The following CDCP1 variants were observed in gnomAD, a reference collection of about 807,000 sequenced individuals.
CDCP1 encodes CUB domain containing protein 1, also known as CUB domain-containing protein 1.
CDCP1 carries 29 observed loss-of-function variants against 60.2 expected under a neutral mutation model. The ratio of observed to expected loss-of-function variants is 0.48; its 90% confidence interval spans 0.36 to 0.66. The LOEUF (loss-of-function observed/expected upper bound fraction) is 0.66, where lower values mean the gene tolerates loss of function less well. Ranked by LOEUF, CDCP1 falls within the 30% of genes least tolerant of loss-of-function variation. The pLI is 0.00. For synonymous variants in CDCP1, 387 were observed against 431.1 expected (o/e 0.90, Z 1.27); for missense variants, 876 against 1,074.3 (o/e 0.82, Z 2.58).
intron 1 of CDCP1, among the ~76,000 whole-genome samples, chr3:45,141,088 C>A (rs947523303): frequency 2.0e-5 from 3 of 152,138 alleles, no homozygotes; most frequent in African/African-American, 7.2e-5. Context: ...GTAATTCCAG[C>A]TACTTGGGAG....
Position 45,095,214 on chromosome 3 carries a change from G to A in CDCP1, c.1246+133C>T, listed in dbSNP as rs561334292. 6.6e-5 allele frequency: 51 copies of A among 770,138 alleles called. No individual in the cohort carries two copies. The Admixed American group carries it at 6.8e-4, about 10-fold the overall frequency. The allele number at this position is 770,138 out of a possible 1,614,324, so 47.7% of individuals were successfully genotyped here. On this transcript the variant is annotated intron_variant, in intron 5 of 8. Coordinates refer to ENST00000296129, the MANE Select transcript of CDCP1 (RefSeq NM_022842.5). ...CTCCCAAAGTGCTGGGATTACAGGC[G>A]TGAGCCATCGTGCCCGGCCAGATGG... is the stretch of plus-strand genomic sequence containing the variant.
intron 1 of CDCP1, among the ~76,000 whole-genome samples, chr3:45,126,403 G>C (rs1385502652): frequency 6.6e-6 from 1 of 152,018 alleles, no homozygotes; most frequent in African/African-American, 2.4e-5. Flanking sequence ...CTGTGGGAGG[G>C]GTGGGGGTGC....
At chr3:45,143,722 G>A (rs1699335019) in intron 1 of CDCP1, among the ~76,000 whole-genome samples, 1 of 112,622 alleles carries the variant, frequency 8.9e-6, no homozygotes, top group Non-Finnish European at 2.2e-5. Flanking sequence ...CCAGAAGAGT[G>A]TGTGTGTGCA....
chr3:45,129,096 T>C (rs150893662), intron 1 of CDCP1, among the ~76,000 whole-genome samples: 3 of 152,386 alleles, frequency 2.0e-5, no homozygotes, highest in African/African-American at 7.2e-5. Context: ...GCTTATGCTT[T>C]GAATCATTTT....
In CDCP1 at chr3:45,101,006, A is replaced by G. The variant is rs1270420087; in HGVS notation, c.1025-5438T>C. On this transcript the variant is annotated intron_variant, in intron 4 of 8. Coordinates refer to ENST00000296129, the MANE Select transcript of CDCP1 (RefSeq NM_022842.5). ...TATTTCTTGTTCACTTTACATATTC[A>G]TTGTGAGTTGGCTGCAGCTCTGGCT... Among the ~76,000 whole-genome samples the G allele has an allele frequency of 2.0e-5, 3 of 152,248 alleles. No homozygotes were observed. In the East Asian group the frequency reaches 5.8e-4, roughly 29 times the overall value.
At chr3:45,125,014 A>AG in intron 1 of CDCP1, among the ~76,000 whole-genome samples, 1 of 152,306 alleles carries the variant, frequency 6.6e-6, no homozygotes, top group Middle Eastern at 3.4e-3. Flanking sequence ...GAAGACATTG[A>AG]GGGTCTGCTA....
In CDCP1 at chr3:45,085,666, G is replaced by A. The variant is rs1021006576; in HGVS notation, c.2483C>T (p.Thr828Ile). The change falls in exon 9 of 9, where the codon ACT (threonine) becomes ATT (isoleucine). Residue 828 changes from threonine (T) to isoleucine (I), a missense_variant. Physicochemically the swap from Thr to Ile is moderately conservative, Grantham distance 89. Coordinates refer to ENST00000296129, the MANE Select transcript of CDCP1 (RefSeq NM_022842.5). The surrounding 1 kb of genome is among the most constrained non-coding windows in gnomAD (Gnocchi z 4.2). ...TTCTGCTGGCTCCATGGGCTCCTGA[G>A]TGTTCAGTAAGGGAATGTCTGTGTC... ...SKDTDIPLLN[T>I]QEPMEPAE The A allele has an allele frequency of 1.9e-6, 3 of 1,613,974 alleles. No individual in the cohort carries two copies. The highest frequency in any genetic ancestry group is 2.2e-5 in the South Asian group (2 of 91,070).
intron 2 of CDCP1, among the ~76,000 whole-genome samples, chr3:45,117,033 T>C (rs990615267): frequency 2.6e-5 from 4 of 152,240 alleles, no homozygotes; most frequent in Non-Finnish European, 5.9e-5. Context: ...ATTTAATTAG[T>C]CTGCAGAGAA....
intron 4 of CDCP1, among the ~76,000 whole-genome samples, chr3:45,099,527 A>G (rs1698455972): frequency 6.6e-6 from 1 of 151,960 alleles, no homozygotes; most frequent in Non-Finnish European, 1.5e-5. Flanking sequence ...CCAGTTGGCA[A>G]CTCATATCCA....
chr3:45,131,181 A>C (rs150942235), intron 1 of CDCP1, among the ~76,000 whole-genome samples: 1,603 of 152,054 alleles, frequency 0.011, 119 homozygotes, highest in Admixed American at 0.098. Context: ...CTTCTTTAAA[A>C]AAATTTTTTT....
At position 45,118,826 on chromosome 3, in the gene CDCP1, CA is replaced by C. The variant is rs545055895; in HGVS notation, c.83-206del. On this transcript the variant is annotated intron_variant, in intron 1 of 8. Transcript: ENST00000296129. ...CAGGATGCTGCCAGCTGGTCACTGA[CA>C]TGTGTTTCTTGTTTGGATTATTAAT... Among the ~76,000 whole-genome samples the C allele has an allele frequency of 1.1e-4, 17 of 152,354 alleles. No homozygotes were observed. In the South Asian group the frequency reaches 3.5e-3, roughly 32 times the overall value.
rs111870257 is a variant in CDCP1 at position 45,102,648 on chromosome 3, A to T, written c.1025-7080T>A. The stretch of plus-strand genomic sequence containing the variant: ...GGTGAAACCCTGTTTCTACTAAAAA[A>T]AAAAAAAAAAGAAAAAGAAAAATTA... On this transcript the variant is annotated intron_variant, in intron 4 of 8. Coordinates refer to ENST00000296129, the MANE Select transcript of CDCP1 (RefSeq NM_022842.5). Among the ~76,000 whole-genome samples, 1,281 of 150,784 alleles carry T rather than the reference A, an allele frequency of 8.5e-3. 19 individuals are homozygous for T. The highest frequency in any genetic ancestry group is 0.029 in the African/African-American group (1,214 of 41,350).
intron 1 of CDCP1, 60 bp downstream of exon 1, chr3:45,146,146 C>A: frequency 1.4e-6 from 2 of 1,448,532 alleles, no homozygotes; most frequent in Non-Finnish European, 9.3e-7. Flanking sequence ...CTCCGCCGGG[C>A]GTCCGCTGGC....
chr3:45,105,793 G>A (rs1415888708), intron 4 of CDCP1, among the ~76,000 whole-genome samples: 1 of 152,184 alleles, frequency 6.6e-6, no homozygotes, highest in Admixed American at 6.5e-5. Context: ...AGAGAAACAG[G>A]CTGCCTGGTG....
chr3:45,121,069 C>T (rs1698875379), intron 1 of CDCP1, among the ~76,000 whole-genome samples: 1 of 152,226 alleles, frequency 6.6e-6, no homozygotes, highest in Non-Finnish European at 1.5e-5. Flanking sequence ...CCCAAAACAA[C>T]TCCATATAAA....
In CDCP1 at chr3:45,118,436, C is replaced by T. The variant is rs1480653106; in HGVS notation, c.268G>A (p.Val90Ile). 1 of 1,613,866 alleles carries T rather than the reference C, an allele frequency of 6.2e-7. No homozygotes were observed. Among genetic ancestry groups the T allele is most frequent in the Non-Finnish European group, 8.5e-7 (1 of 1,179,884 alleles). ...FSCQSPENHF[V>I]IEIQKNIDCM... ...CCAATATTTTTCTGGATCTCTATGACAAAGTGATTCTCAGGACTCTGGCAG... is the reference window on the plus strand; with the variant it reads ...CCAATATTTTTCTGGATCTCTATGATAAAGTGATTCTCAGGACTCTGGCAG... The change falls in exon 2 of 9, where the codon GTC becomes ATC. Residue 90 changes from valine to isoleucine, a missense_variant. This residue lies in a region of CDCP1 where 150 missense variants were observed against 138.6 expected (regional missense o/e 1.08). Coordinates refer to ENST00000296129, the MANE Select transcript of CDCP1 (RefSeq NM_022842.5).
chr3:45,110,877 G>A, intron 3 of CDCP1, 36 bp from the exon 4 acceptor site: 6 of 1,585,356 alleles, frequency 3.8e-6, no homozygotes, highest in Non-Finnish European at 5.1e-6. Context: ...AAAGAATAGG[G>A]AGCCATTAGA....
intron 1 of CDCP1, among the ~76,000 whole-genome samples, chr3:45,120,989 G>A (rs1050095556): frequency 3.9e-5 from 6 of 152,156 alleles, no homozygotes; most frequent in African/African-American, 7.2e-5. Context: ...GAACTTGCCC[G>A]TATTTTTTAG....
At chr3:45,134,529 C>T (rs982554923) in intron 1 of CDCP1, among the ~76,000 whole-genome samples, 1 of 152,190 alleles carries the variant, frequency 6.6e-6, no homozygotes, top group Non-Finnish European at 1.5e-5. Context: ...GGGCAGCCAA[C>T]CAGAAATACA....
Sources: allele counts gnomAD v4.1 joint callset (sites outside exome capture counted in the v4.1 genomes callset), GRCh38; gene constraint gnomAD v4.1.1; regional missense constraint gnomAD v4.1.1; non-coding constraint Gnocchi (gnomAD v3.1); transcripts MANE v1.5; gene names NCBI Gene and HGNC (gene_info 2026-07-23, HGNC 2026-07-21).